WDFY3: variants seen among roughly 807,000 people sequenced by gnomAD.
WDFY3 encodes the protein WD repeat and FYVE domain-containing protein 3.
In WDFY3, 66 loss-of-function variants were observed where a neutral mutation model predicts 409.6. That is an observed-to-expected ratio of 0.16 (90% CI 0.13 to 0.20). The LOEUF (loss-of-function observed/expected upper bound fraction) is 0.20. Ranked by LOEUF, WDFY3 falls within the 10% of genes least tolerant of loss-of-function variation. The probability of loss-of-function intolerance (pLI) is 1.00; values close to 1 mark genes in which losing one functional copy is unlikely to be tolerated. For synonymous variants in WDFY3, 1,521 were observed against 1,537.1 expected (o/e 0.99, Z 0.25); for missense variants, 3,031 against 4,298.1 (o/e 0.71, Z 8.24).
intron 25 of WDFY3, among the ~76,000 whole-genome samples, chr4:84,781,651 T>C (rs977314167): frequency 2.0e-5 from 3 of 152,154 alleles, no homozygotes; most frequent in African/African-American, 7.2e-5. Context: ...CTGAAGTTCA[T>C]AGAGCTTAAC....
At chr4:84,731,700 C>G (rs372812121) in intron 44 of WDFY3, among the ~76,000 whole-genome samples, 1 of 152,264 alleles carries the variant, frequency 6.6e-6, no homozygotes, top group East Asian at 1.9e-4. Context: ...GATGTGAACT[C>G]TTAATAGGGT....
chr4:84,928,448 T>C (rs1214402075), intron 2 of WDFY3, among the ~76,000 whole-genome samples: 1 of 152,192 alleles, frequency 6.6e-6, no homozygotes, highest in Non-Finnish European at 1.5e-5. Context: ...TTCTTTCTCA[T>C]ATATATCACT....
rs1244635356 is a variant in WDFY3 at position 84,751,528 on chromosome 4, G to A, written c.5928C>T (p.Leu1976=). ...MRVLIIDNLC[L]TPASKQTPLI... is the part of the protein sequence containing the mutation. ...GTGGAGTTTGCTTGCTGGCAGGAGTGAGACAGAGGTTGTCTATGATTAAGA... is the reference window on the plus strand; with the variant it reads ...GTGGAGTTTGCTTGCTGGCAGGAGTAAGACAGAGGTTGTCTATGATTAAGA... The change falls in exon 36 of 68, where the codon CTC becomes CTT. Residue 1976 remains leucine (L), a synonymous_variant. Transcript: ENST00000295888. 1.9e-6 allele frequency: 3 copies of A among 1,614,084 alleles called. No homozygotes were observed. Among genetic ancestry groups the A allele is most frequent in the Admixed American group, 1.7e-5 (1 of 60,000 alleles).
intron 1 of WDFY3, among the ~76,000 whole-genome samples, chr4:84,941,750 A>G (rs1396246871): frequency 6.6e-6 from 1 of 152,058 alleles, no homozygotes; most frequent in African/African-American, 2.4e-5. Flanking sequence ...AAATTGGAGG[A>G]CTCATATTAC....
chr4:84,825,263 T>A (rs1390744543), intron 10 of WDFY3, among the ~76,000 whole-genome samples: 2 of 151,968 alleles, frequency 1.3e-5, no homozygotes, highest in Non-Finnish European at 1.5e-5. Flanking sequence ...AGGAAGTACA[T>A]TGCTGCAATA....
chr4:84,810,372 G>T, intron 13 of WDFY3, 28 bp from the exon 14 acceptor site: 47 of 1,151,648 alleles, frequency 4.1e-5, no homozygotes, highest in East Asian at 9.3e-5. Context: ...AAAAACAAAT[G>T]AAAATACACA....
rs1210492771 is a variant in WDFY3, at chr4:84,672,673, T to C, written c.*195A>G. The C allele has an allele frequency of 3.3e-6, 2 of 611,086 alleles. No homozygotes were observed. Among genetic ancestry groups the C allele is most frequent in the African/African-American group, 1.9e-5 (1 of 53,656 alleles). The allele number at this position is 611,086 out of a possible 1,614,324, so 37.9% of individuals were successfully genotyped here. ...ACCACCTCATATTCTTCTTGTGCTG[T>C]TCACCTGAATCGCGTCTGCCCCATT... On this transcript the variant is annotated 3_prime_UTR_variant, in exon 68 of 68. Transcript: ENST00000295888.
intron 58 of WDFY3, among the ~76,000 whole-genome samples, chr4:84,695,303 G>A (rs551071878): frequency 1.4e-4 from 22 of 152,192 alleles, no homozygotes; most frequent in Middle Eastern, 6.8e-3. Flanking sequence ...CAGCTATTGC[G>A]TGTCCTAGGC....
intron 50 of WDFY3, among the ~76,000 whole-genome samples, chr4:84,714,949 C>CA (rs770343929): frequency 0.013 from 931 of 72,810 alleles, 6 homozygotes; most frequent in Middle Eastern, 0.031. Context: ...GACTCCGTCT[C>CA]AAAAAAAAAA....
At chr4:84,858,087 T>G (rs1438969445) in intron 4 of WDFY3, among the ~76,000 whole-genome samples, 1 of 152,136 alleles carries the variant, frequency 6.6e-6, no homozygotes, top group Non-Finnish European at 1.5e-5. Flanking sequence ...TCACTAGTAT[T>G]TCCAACAACA....
intron 23 of WDFY3, among the ~76,000 whole-genome samples, chr4:84,786,933 A>G (rs995548827): frequency 3.9e-5 from 6 of 152,234 alleles, no homozygotes; most frequent in Non-Finnish European, 7.3e-5. Context: ...TGGTGGAATC[A>G]GAACAAGGGA....
chr4:84,828,074 A>AGAGG (rs923450236), intron 9 of WDFY3, among the ~76,000 whole-genome samples: 289 of 138,768 alleles, frequency 2.1e-3, no homozygotes, highest in African/African-American at 6.3e-3. Flanking sequence ...ATGAGACCCC[A>AGAGG]GAGGGAGGGA....
In WDFY3 at chr4:84,749,977, T is replaced by C. The variant is rs1430757659; in HGVS notation, c.5973+1506A>G. ...GGCAATTATACAATTTAAATATGGG[T>C]AATTAATTAGCTATTCAGGTACCAG... On this transcript the variant is annotated intron_variant, in intron 36 of 67. Transcript: ENST00000295888. Among the ~76,000 whole-genome samples the C allele has an allele frequency of 2.0e-5, 3 of 152,310 alleles. No individual in the cohort carries two copies. The East Asian group carries it at 5.8e-4, about 29-fold the overall frequency.
intron 21 of WDFY3, 88 bp from the exon 22 acceptor site, chr4:84,789,995 T>C: frequency 7.4e-7 from 1 of 1,351,944 alleles, no homozygotes; most frequent in Non-Finnish European, 1.0e-6. Flanking sequence ...GTTTTGACTT[T>C]ATGTTAAAAC....
intron 1 of WDFY3, among the ~76,000 whole-genome samples, chr4:84,954,509 T>C (rs1014717512): frequency 1.3e-5 from 2 of 152,118 alleles, no homozygotes; most frequent in African/African-American, 2.4e-5. Flanking sequence ...TATAAATTTA[T>C]CTATAAATTT....
intron 12 of WDFY3, among the ~76,000 whole-genome samples, chr4:84,819,739 A>G (rs1034416539): frequency 2.0e-5 from 3 of 152,142 alleles, no homozygotes; most frequent in African/African-American, 7.2e-5. Context: ...AGTACTAAAA[A>G]TATTCTTTAA....
intron 15 of WDFY3, among the ~76,000 whole-genome samples, chr4:84,806,810 C>T (rs987134484): frequency 3.7e-4 from 56 of 152,040 alleles, no homozygotes; most frequent in African/African-American, 1.3e-3. Context: ...GGGGTTTCAC[C>T]GTGTTGCCAG....
chr4:84,673,308 T>C (rs529080950), intron 67 of WDFY3, among the ~76,000 whole-genome samples: 2 of 152,184 alleles, frequency 1.3e-5, no homozygotes, highest in Non-Finnish European at 1.5e-5. Flanking sequence ...ATTCTACCTG[T>C]GTAGACTAAT....
intron 14 of WDFY3, 37 bp downstream of exon 14, chr4:84,809,850 T>C (rs1752193850): frequency 6.3e-7 from 1 of 1,582,164 alleles, no homozygotes; most frequent in Non-Finnish European, 8.6e-7. Context: ...ATGCTTAGTA[T>C]ACACCCTTTA....
Sources: gnomAD v4.1 joint callset for allele counts (sites outside exome capture counted in the v4.1 genomes callset) on GRCh38, gnomAD v4.1.1 for gene constraint, MANE v1.5 for transcripts, NCBI Gene and HGNC (gene_info 2026-07-23, HGNC 2026-07-21) for gene names.